C20orf203: variants seen among roughly 807,000 people sequenced by gnomAD.
C20orf203 encodes the protein uncharacterized protein C20orf203.
In C20orf203, 16 loss-of-function variants were observed where a neutral mutation model predicts 15.9. The ratio of observed to expected loss-of-function variants is 1.01; its 90% CI spans 0.68 to 1.53. C20orf203 has a LOEUF of 1.53. C20orf203 is among the 40% of genes most tolerant of loss of function. The pLI is 0.00. For missense variants in C20orf203, 263 were observed against 247.5 expected, an observed-to-expected ratio of 1.06 and a Z score of -0.42; for synonymous variants, 98 against 97.2, an observed-to-expected ratio of 1.01 and a Z score of -0.05.
intron 4 of C20orf203, among the ~76,000 whole-genome samples, chr20:32,648,982 G>T (rs1005357653): frequency 6.6e-6 from 1 of 152,138 alleles, no homozygotes; most frequent in African/African-American, 2.4e-5. Flanking sequence ...GTTCTCAGCT[G>T]CCTCCCCCAT....
chr20:32,650,525 G>A lies in C20orf203; in HGVS notation c.492C>T (p.Asp164=), dbSNP rs1568749819. 6.4e-7 allele frequency: 1 copy of A among 1,550,448 alleles called. No individual in the cohort carries two copies. Among genetic ancestry groups the A allele is most frequent in the African/African-American group, 1.4e-5 (1 of 73,172 alleles). The change falls in exon 4 of 6, where the codon GAC becomes GAT. Residue 164 remains aspartate (D), a synonymous_variant. Transcript: ENST00000608990. ...SLAWTSTCFQ[D]FCLPSLPGKL... is the part of the protein sequence containing the mutation. ...TGCCTGGCAAGGATGGGAGGCAGAAGTCCTGGAAACATGTTGAGGTCCAGG... is the reference window on the plus strand; with the variant it reads ...TGCCTGGCAAGGATGGGAGGCAGAAATCCTGGAAACATGTTGAGGTCCAGG...
At chr20:32,659,400 T>C (rs952057191) in intron 1 of C20orf203, among the ~76,000 whole-genome samples, 2 of 152,160 alleles carry the variant, frequency 1.3e-5, no homozygotes, top group South Asian at 4.1e-4. Context: ...CGCAGCTCAA[T>C]GAACACTCTC....
chr20:32,637,922 TTG>T (rs1024278658), intron 5 of C20orf203, among the ~76,000 whole-genome samples: 2 of 151,432 alleles, frequency 1.3e-5, no homozygotes, highest in Non-Finnish European at 2.9e-5. Flanking sequence ...GTGCCTGTGT[TTG>T]TGTGTGTGCA....
chr20:32,642,818 C>T (rs941192475), intron 4 of C20orf203, among the ~76,000 whole-genome samples: 13 of 152,148 alleles, frequency 8.5e-5, no homozygotes, highest in Admixed American at 8.5e-4. Context: ...GAATCCCAGC[C>T]CTACCATCTC....
intron 1 of C20orf203, among the ~76,000 whole-genome samples, chr20:32,662,760 G>A (rs1982919757): frequency 6.6e-6 from 1 of 151,646 alleles, no homozygotes; most frequent in South Asian, 2.1e-4. Flanking sequence ...GCTCATGCCT[G>A]TAACCCTAAC....
chr20:32,663,843 T>C (rs1375953763), intron 1 of C20orf203, among the ~76,000 whole-genome samples: 1 of 152,212 alleles, frequency 6.6e-6, no homozygotes, highest in Non-Finnish European at 1.5e-5. Flanking sequence ...GGACCAGCCA[T>C]GGGACACTGC....
Position 32,637,466 on chromosome 20 carries a change from C to T in C20orf203, c.*1299+3100G>A, listed in dbSNP as rs564679079. Among the ~76,000 whole-genome samples, 201 of 152,232 alleles carry T rather than the reference C, an allele frequency of 1.3e-3. 1 individual carries two copies. Among genetic ancestry groups the T allele is most frequent in the African/African-American group, 4.7e-3 (194 of 41,556 alleles). ...AGAAACGAATGAGTAGACAACGAAA[C>T]AGTAATCTTGCCTCCTTCAAATCTG... is the stretch of plus-strand genomic sequence containing the variant. On this transcript the variant is annotated intron_variant, in intron 5 of 5. Transcript: ENST00000608990.
At chr20:32,672,958 G>A (rs975716927) in intron 1 of C20orf203, among the ~76,000 whole-genome samples, 22 of 152,156 alleles carry the variant, frequency 1.4e-4, no homozygotes, top group African/African-American at 2.4e-4. Context: ...CACTAGACTC[G>A]GGCTTTGAGA....
At chr20:32,670,326 G>A in intron 1 of C20orf203, among the ~76,000 whole-genome samples, 1 of 151,874 alleles carries the variant, frequency 6.6e-6, no homozygotes, top group South Asian at 2.1e-4. Flanking sequence ...CCAACATGGT[G>A]AAACCTTGTC....
At chr20:32,659,709 G>C (rs962084029) in intron 1 of C20orf203, among the ~76,000 whole-genome samples, 1 of 152,190 alleles carries the variant, frequency 6.6e-6, no homozygotes, top group Admixed American at 6.5e-5. Context: ...AGAGGGGAAG[G>C]CCACTTGTCC....
chr20:32,650,907 G>C, intron 3 of C20orf203, 26 bp from the exon 4 acceptor site: 3 of 1,445,150 alleles, frequency 2.1e-6, no homozygotes, highest in Non-Finnish European at 2.7e-6. Context: ...CCCCCAAGAA[G>C]ATCATAGAAT....
intron 1 of C20orf203, among the ~76,000 whole-genome samples, chr20:32,655,082 A>G (rs1982722693): frequency 6.6e-6 from 1 of 152,192 alleles, no homozygotes; most frequent in Non-Finnish European, 1.5e-5. Context: ...GAGTCTTGCA[A>G]AAGAAAGAGG....
chr20:32,666,155 T>TAAAAAAAAAAAAAAAAAAAAAAATA (rs147487671), intron 1 of C20orf203, among the ~76,000 whole-genome samples: 2 of 102,776 alleles, frequency 1.9e-5, no homozygotes, highest in African/African-American at 3.7e-5. Flanking sequence ...ATAAATAAAG[T>TAAAAAAAAAAAAAAAAAAAAAAATA]AAAAAAAAAA....
At chr20:32,655,651 G>A (rs1382357858) in intron 1 of C20orf203, among the ~76,000 whole-genome samples, 29 of 152,158 alleles carry the variant, frequency 1.9e-4, no homozygotes, top group Admixed American at 1.4e-3. Context: ...AAATTAGCCC[G>A]GCGTGGTGGC....
At chr20:32,671,798 C>A (rs1278529143) in intron 1 of C20orf203, among the ~76,000 whole-genome samples, 2 of 139,258 alleles carry the variant, frequency 1.4e-5, no homozygotes, top group African/African-American at 5.3e-5. Flanking sequence ...GAGATCGTGC[C>A]ATTGCACTCC....
intron 4 of C20orf203, among the ~76,000 whole-genome samples, chr20:32,648,028 C>A (rs1439911143): frequency 2.0e-5 from 3 of 152,246 alleles, no homozygotes; most frequent in Non-Finnish European, 2.9e-5. Context: ...AGCAGGCTTT[C>A]TTCCTCCATC....
chr20:32,645,033 G>C (rs577679340), intron 4 of C20orf203, among the ~76,000 whole-genome samples: 1 of 151,870 alleles, frequency 6.6e-6, no homozygotes, highest in African/African-American at 2.4e-5. Context: ...CGCTCTCCAG[G>C]CCCCCTTCCC....
chr20:32,658,310 CTT>C (rs1009334516), intron 1 of C20orf203, among the ~76,000 whole-genome samples: 1 of 152,120 alleles, frequency 6.6e-6, no homozygotes, highest in Non-Finnish European at 1.5e-5. Context: ...TTAGGGTACT[CTT>C]TTTATTTTTG....
intron 1 of C20orf203, among the ~76,000 whole-genome samples, chr20:32,653,067 C>A (rs1267602117): frequency 6.6e-6 from 1 of 152,140 alleles, no homozygotes; most frequent in African/African-American, 2.4e-5. Context: ...GCACCCTGCA[C>A]CCAAGCTGGG....
Sources: allele counts gnomAD v4.1 joint callset (sites outside exome capture counted in the v4.1 genomes callset), GRCh38; gene constraint gnomAD v4.1.1; transcripts MANE v1.5; gene names NCBI Gene and HGNC (gene_info 2026-07-23, HGNC 2026-07-21).